ARB2A: variants seen among roughly 807,000 people sequenced by gnomAD.
ARB2A encodes ARB2 cotranscriptional regulator A.
the ARB2A span, chr5:93,741,372 G>C: frequency 6.8e-6 from 11 of 1,611,912 alleles, no homozygotes; most frequent in Non-Finnish European, 8.5e-6. Flanking sequence ...GGGGACCCAG[G>C]GGAATCCTCC....
At chr5:93,917,007 T>C in the ARB2A span, among the ~76,000 whole-genome samples, 1 of 152,188 alleles carries the variant, frequency 6.6e-6, no homozygotes, top group Admixed American at 6.6e-5. Context: ...CATGAATAAA[T>C]AACTGCAGCT....
chr5:93,811,801 C>T, the ARB2A span, among the ~76,000 whole-genome samples: 12 of 152,276 alleles, frequency 7.9e-5, no homozygotes, highest in Middle Eastern at 3.4e-3. Context: ...ATGAGAGATG[C>T]TGATGATCAG....
the ARB2A span, among the ~76,000 whole-genome samples, chr5:93,995,609 G>C: frequency 6.6e-6 from 1 of 152,062 alleles, no homozygotes; most frequent in African/African-American, 2.4e-5. Flanking sequence ...TAAGTTTTAG[G>C]GGCATCAAGT....
At chr5:93,869,581 A>C in the ARB2A span, among the ~76,000 whole-genome samples, 285 of 152,250 alleles carry the variant, frequency 1.9e-3, 2 homozygotes, top group African/African-American at 5.9e-3. Flanking sequence ...AATTCTAACA[A>C]CTCTATTTAG....
At chr5:93,960,389 T>G in the ARB2A span, among the ~76,000 whole-genome samples, 1 of 152,140 alleles carries the variant, frequency 6.6e-6, no homozygotes, top group Non-Finnish European at 1.5e-5. Flanking sequence ...CCCTGTTTTA[T>G]TTTCCTCCAC....
chr5:93,810,408 T>G, the ARB2A span, among the ~76,000 whole-genome samples: 2 of 152,184 alleles, frequency 1.3e-5, no homozygotes, highest in East Asian at 1.9e-4. Context: ...GGTTTGGTTT[T>G]GTTTTGCTTT....
the ARB2A span, chr5:93,740,789 A>T: frequency 2.5e-6 from 4 of 1,612,748 alleles, no homozygotes; most frequent in Non-Finnish European, 3.4e-6. Flanking sequence ...CTGCGGTTAT[A>T]GAACCAAACT....
the ARB2A span, among the ~76,000 whole-genome samples, chr5:94,051,330 A>T: frequency 6.6e-6 from 1 of 152,216 alleles, no homozygotes; most frequent in Non-Finnish European, 1.5e-5. Flanking sequence ...GGGCTAGAAG[A>T]GGTTTAGAAG....
At chr5:93,840,130 G>C in the ARB2A span, among the ~76,000 whole-genome samples, 1 of 152,032 alleles carries the variant, frequency 6.6e-6, no homozygotes, top group East Asian at 1.9e-4. Flanking sequence ...TTTTTGATGT[G>C]GGTATTTAGT....
At chr5:94,087,371 A>C in the ARB2A span, among the ~76,000 whole-genome samples, 1 of 152,010 alleles carries the variant, frequency 6.6e-6, no homozygotes, top group Non-Finnish European at 1.5e-5. Flanking sequence ...CACCCACTGC[A>C]CTCCACCTGG....
the ARB2A span, among the ~76,000 whole-genome samples, chr5:94,027,103 G>A: frequency 6.6e-6 from 1 of 152,146 alleles, no homozygotes; most frequent in Admixed American, 6.5e-5. Flanking sequence ...ATTTGCACTG[G>A]TTCCTTGAAA....
the ARB2A span, among the ~76,000 whole-genome samples, chr5:93,914,872 T>C: frequency 2.0e-5 from 3 of 151,918 alleles, no homozygotes; most frequent in Admixed American, 1.3e-4. Context: ...CCTCATATAA[T>C]GCTGCTTCGA....
chr5:93,813,600 C>G, the ARB2A span, among the ~76,000 whole-genome samples: 1 of 151,958 alleles, frequency 6.6e-6, no homozygotes, highest in Non-Finnish European at 1.5e-5. Context: ...ATCAAATATC[C>G]CAGCAGGAAA....
At chr5:93,784,060 G>T in the ARB2A span, 1 of 177,938 alleles carries the variant, frequency 5.6e-6, no homozygotes, top group Admixed American at 6.1e-5. Context: ...CTAAATAACT[G>T]GTGGAAAAAT....
At chr5:93,689,288 C>T in the ARB2A span, among the ~76,000 whole-genome samples, 2 of 152,148 alleles carry the variant, frequency 1.3e-5, no homozygotes, top group Non-Finnish European at 2.9e-5. Flanking sequence ...TGGGCCTTTA[C>T]TTTTCAAGAG....
the ARB2A span, among the ~76,000 whole-genome samples, chr5:93,937,330 C>T: frequency 4.0e-5 from 6 of 150,154 alleles, no homozygotes; most frequent in South Asian, 2.2e-4. Flanking sequence ...AGGCTGGCCG[C>T]GGTGGTTCAC....
chr5:94,047,192 T>A, the ARB2A span, among the ~76,000 whole-genome samples: 1 of 152,136 alleles, frequency 6.6e-6, no homozygotes, highest in Non-Finnish European at 1.5e-5. Context: ...AAACACTGCA[T>A]TAAAAGTTAA....
chr5:94,094,183 T>G, the ARB2A span, among the ~76,000 whole-genome samples: 1 of 152,220 alleles, frequency 6.6e-6, no homozygotes, highest in East Asian at 1.9e-4. Context: ...ACTGGGTTGC[T>G]TAAACAAGAT....
chr5:93,734,676 G>A, the ARB2A span: 1 of 152,084 alleles, frequency 6.6e-6, no homozygotes, highest in African/African-American at 2.4e-5. Flanking sequence ...ATTAAGGCAG[G>A]GGAAAATCTG....
Sources: allele counts gnomAD v4.1 joint callset (sites outside exome capture counted in the v4.1 genomes callset), GRCh38; gene constraint gnomAD v4.1.1; transcripts MANE v1.5; gene names NCBI Gene and HGNC (gene_info 2026-07-23, HGNC 2026-07-21).